CPNE4: variants seen among roughly 807,000 people sequenced by gnomAD.
The protein encoded by CPNE4 is copine 4, also known as copine-4.
CPNE4 carries 25 observed loss-of-function variants against 67.9 expected under a neutral mutation model. The ratio of observed to expected loss-of-function variants is 0.37; its 90% CI spans 0.27 to 0.51. CPNE4 has a LOEUF of 0.51. Ranked by LOEUF, CPNE4 falls within the 20% of genes least tolerant of loss-of-function variation. The pLI is 0.93. For missense variants in CPNE4, 464 were observed against 690.8 expected (o/e 0.67, Z 3.68); for synonymous variants, 242 against 244.9 (o/e 0.99, Z 0.11).
chr3:131,669,514 A>C (rs111863991), intron 7 of CPNE4, among the ~76,000 whole-genome samples, 161 bp downstream of exon 7: 5 of 152,322 alleles, frequency 3.3e-5, no homozygotes, highest in African/African-American at 1.2e-4. Context: ...TGGCTCTAGA[A>C]GAAGAAATAG....
At chr3:131,636,211 T>C (rs569037173) in intron 7 of CPNE4, among the ~76,000 whole-genome samples, 2 of 152,306 alleles carry the variant, frequency 1.3e-5, no homozygotes, top group East Asian at 1.9e-4. Context: ...TGCTTGCTTA[T>C]TGGCAGGGAG....
At chr3:131,840,278 G>A (rs2085723228) in intron 2 of CPNE4, among the ~76,000 whole-genome samples, 1 of 149,266 alleles carries the variant, frequency 6.7e-6, no homozygotes, top group Non-Finnish European at 1.5e-5. Context: ...AATTTCCTCT[G>A]CAGTGAGCCC....
At chr3:131,657,723 T>C (rs1238954001) in intron 7 of CPNE4, among the ~76,000 whole-genome samples, 1 of 150,052 alleles carries the variant, frequency 6.7e-6, no homozygotes, top group African/African-American at 2.4e-5. Context: ...TGTGTGTGTG[T>C]GTGTGTGTGT....
At chr3:131,976,812 C>CT (rs2072668733) in intron 1 of CPNE4, among the ~76,000 whole-genome samples, 2 of 138,610 alleles carry the variant, frequency 1.4e-5, no homozygotes, top group Admixed American at 1.4e-4. Flanking sequence ...TTTTTTTTTT[C>CT]TTTTTTTGAG....
intron 2 of CPNE4, among the ~76,000 whole-genome samples, chr3:131,724,483 T>C (rs1292676852): frequency 6.6e-6 from 1 of 152,192 alleles, no homozygotes; most frequent in African/African-American, 2.4e-5. Flanking sequence ...TTCTGTGACA[T>C]AGGAGACTGA....
chr3:131,720,316 T>C (rs1275369868), intron 3 of CPNE4, among the ~76,000 whole-genome samples: 2 of 138,168 alleles, frequency 1.4e-5, no homozygotes, highest in African/African-American at 5.5e-5. Flanking sequence ...AGACGGAGTC[T>C]CACTGTCACC....
At chr3:131,750,292 G>C (rs1336204870) in intron 2 of CPNE4, among the ~76,000 whole-genome samples, 2 of 151,926 alleles carry the variant, frequency 1.3e-5, no homozygotes. Context: ...TCTTTCAATT[G>C]GTATATTTAA....
At chr3:131,705,068 C>G (rs925775820) in intron 3 of CPNE4, among the ~76,000 whole-genome samples, 14 of 151,860 alleles carry the variant, frequency 9.2e-5, no homozygotes, top group African/African-American at 3.4e-4. Flanking sequence ...CCTTCCCACC[C>G]ACTTTTCCCT....
At chr3:131,801,305 A>G (rs1325604935) in intron 2 of CPNE4, among the ~76,000 whole-genome samples, 1 of 147,938 alleles carries the variant, frequency 6.8e-6, no homozygotes, top group Non-Finnish European at 1.5e-5. Flanking sequence ...GCATTTCCCA[A>G]TAAAATTCTG....
At chr3:131,896,011 A>T (rs2088315668) in intron 2 of CPNE4, among the ~76,000 whole-genome samples, 1 of 151,046 alleles carries the variant, frequency 6.6e-6, no homozygotes, top group South Asian at 2.1e-4. Context: ...GAATGTTCCT[A>T]CTCTTTATCA....
At chr3:131,873,130 T>C (rs1285937443) in intron 2 of CPNE4, among the ~76,000 whole-genome samples, 1 of 152,210 alleles carries the variant, frequency 6.6e-6, no homozygotes, top group East Asian at 1.9e-4. Context: ...CATCATTCCA[T>C]TTACTTTAAC....
chr3:131,754,802 A>T (rs1199607354), intron 2 of CPNE4, among the ~76,000 whole-genome samples: 1 of 152,236 alleles, frequency 6.6e-6, no homozygotes, highest in African/African-American at 2.4e-5. Context: ...GAACTCAGGG[A>T]TAACATCAGA....
chr3:131,647,980 C>G (rs992226521), intron 7 of CPNE4, among the ~76,000 whole-genome samples: 1 of 152,152 alleles, frequency 6.6e-6, no homozygotes, highest in African/African-American at 2.4e-5. Flanking sequence ...GATTAACTAT[C>G]AGAAATGCAG....
At chr3:132,034,396 A>G (rs2074303468) in intron 1 of CPNE4, among the ~76,000 whole-genome samples, 171 bp downstream of exon 1, 1 of 152,182 alleles carries the variant, frequency 6.6e-6, no homozygotes, top group Admixed American at 6.5e-5. Context: ...CCTTCAGATT[A>G]AAGACGTTGC....
intron 1 of CPNE4, among the ~76,000 whole-genome samples, chr3:131,914,909 G>T (rs1287092663): frequency 6.6e-6 from 1 of 152,192 alleles, no homozygotes; most frequent in Admixed American, 6.5e-5. Flanking sequence ...CCAGGAGGCG[G>T]AGTTTGCAGT....
At chr3:131,872,711 T>A (rs1293856621) in intron 2 of CPNE4, among the ~76,000 whole-genome samples, 4 of 152,206 alleles carry the variant, frequency 2.6e-5, no homozygotes, top group African/African-American at 4.8e-5. Flanking sequence ...TCTCTGTCTC[T>A]CTCTTTATCT....
intron 4 of CPNE4, among the ~76,000 whole-genome samples, chr3:131,698,051 G>A (rs925917929): frequency 3.3e-5 from 5 of 151,628 alleles, no homozygotes; most frequent in Non-Finnish European, 5.9e-5. Flanking sequence ...CTAACATGGC[G>A]AAACCCCATC....
intron 2 of CPNE4, among the ~76,000 whole-genome samples, chr3:131,754,113 G>C (rs907691642): frequency 8.5e-5 from 13 of 152,178 alleles, no homozygotes; most frequent in South Asian, 2.1e-4. Context: ...TTGAAAGAGT[G>C]AATATCAGTT....
chr3:131,912,053 C>T (rs2088999201), intron 1 of CPNE4, among the ~76,000 whole-genome samples: 1 of 152,134 alleles, frequency 6.6e-6, no homozygotes, highest in Non-Finnish European at 1.5e-5. Flanking sequence ...ATTATCAACA[C>T]ATTCTCCATG....
Sources: gnomAD v4.1 joint callset for allele counts (sites outside exome capture counted in the v4.1 genomes callset) on GRCh38, gnomAD v4.1.1 for gene constraint, MANE v1.5 for transcripts, NCBI Gene and HGNC (gene_info 2026-07-23, HGNC 2026-07-21) for gene names.